Variants in PTPRD observed in about 807,000 individuals in gnomAD.
PTPRD encodes protein tyrosine phosphatase receptor type D.
A neutral mutation model predicts 214.5 loss-of-function variants in PTPRD; 34 were observed. That is an observed-to-expected ratio of 0.16 (90% CI 0.12 to 0.21). PTPRD has a LOEUF of 0.21. PTPRD is among the 10% of genes least tolerant of loss of function. The probability of loss-of-function intolerance (pLI) is 1.00; values close to 1 mark genes in which losing one functional copy is unlikely to be tolerated. For synonymous variants in PTPRD, 1,128 were observed against 845.7 expected, an observed-to-expected ratio of 1.33 and a Z score of -5.79; for missense variants, 2,545 against 2,398.7, an observed-to-expected ratio of 1.06 and a Z score of -1.27.
chr9:8,480,428 C>T (rs10815885), intron 30 of PTPRD, among the ~76,000 whole-genome samples: 45,130 of 151,990 alleles, frequency 0.3, 6,707 homozygotes, highest in East Asian at 0.37. Flanking sequence ...ATTTTCTCTA[C>T]TATAGGACTC....
chr9:9,420,033 T>C (rs749002146), intron 8 of PTPRD, among the ~76,000 whole-genome samples: 31 of 151,618 alleles, frequency 2.0e-4, no homozygotes, highest in Non-Finnish European at 3.5e-4. Context: ...AGAAAAAATA[T>C]ATATATTTTT....
intron 2 of PTPRD, among the ~76,000 whole-genome samples, chr9:10,369,205 A>G (rs983299627): frequency 2.0e-5 from 3 of 152,160 alleles, no homozygotes; most frequent in Non-Finnish European, 4.4e-5. Flanking sequence ...TAATGATAAA[A>G]TAAGGAGTTT....
chr9:10,159,685 T>C (rs1274159820), intron 3 of PTPRD, among the ~76,000 whole-genome samples: 1 of 151,572 alleles, frequency 6.6e-6, no homozygotes, highest in Non-Finnish European at 1.5e-5. Context: ...CAAACAGAAA[T>C]CTTGGAAGTG....
At chr9:8,496,652 T>C (rs1001373231) in intron 26 of PTPRD, among the ~76,000 whole-genome samples, 1 of 152,222 alleles carries the variant, frequency 6.6e-6, no homozygotes, top group Admixed American at 6.5e-5. Context: ...TTAGAGTTAA[T>C]CAGTGCCAGA....
intron 33 of PTPRD, chr9:8,451,937 T>C (rs1324912883): frequency 2.1e-6 from 1 of 484,602 alleles, no homozygotes; most frequent in East Asian, 5.7e-5. Context: ...TTTTTCCCTG[T>C]GGCTGGGGTG....
At position 8,451,477 on chromosome 9, in the gene PTPRD, C is replaced by T. The variant is rs555561452; in HGVS notation, c.3876-1640G>A. On this transcript the variant is annotated intron_variant, in intron 33 of 45. Coordinates refer to ENST00000381196, the MANE Select transcript of PTPRD (RefSeq NM_002839.4). ...AGGGCTGGTGAAAAAGATATGAGGA[C>T]GAAGAAAAAGACAGGCTCATAAGAC... Among the ~76,000 whole-genome samples, 6 of 152,068 alleles carry T rather than the reference C, an allele frequency of 3.9e-5. No homozygotes were observed. In the South Asian group the frequency reaches 6.2e-4, roughly 16 times the overall value.
intron 3 of PTPRD, among the ~76,000 whole-genome samples, chr9:10,309,243 T>C (rs181991643): frequency 6.6e-6 from 1 of 152,136 alleles, no homozygotes; most frequent in Non-Finnish European, 1.5e-5. Flanking sequence ...ACTTACTTTC[T>C]TTCTCCTTTT....
intron 11 of PTPRD, among the ~76,000 whole-genome samples, chr9:8,781,138 C>G (rs539647513): frequency 1.7e-4 from 26 of 152,200 alleles, no homozygotes; most frequent in Non-Finnish European, 3.2e-4. Context: ...AGTTTATGAC[C>G]AGCAAAAGGC....
intron 7 of PTPRD, among the ~76,000 whole-genome samples, chr9:9,591,157 A>G (rs1273004353): frequency 7.7e-6 from 1 of 130,608 alleles, no homozygotes; most frequent in African/African-American, 3.0e-5. Flanking sequence ...CTTAAAACGA[A>G]GAGAATTCTC....
intron 33 of PTPRD, among the ~76,000 whole-genome samples, chr9:8,450,463 A>C (rs556609754): frequency 6.6e-6 from 1 of 152,204 alleles, no homozygotes; most frequent in Non-Finnish European, 1.5e-5. Context: ...GTTAGCTCTT[A>C]ACAGTGTTAA....
rs1378067056 is a variant in PTPRD, at chr9:9,078,351, T to C, written c.-142-59616A>G. ...CTTAATTATATCATAGTTAAATAAT[T>C]TCAAAAACAAAATTACAACATTCCT... On this transcript the variant is annotated intron_variant, in intron 10 of 45. Coordinates refer to ENST00000381196, the MANE Select transcript of PTPRD (RefSeq NM_002839.4). Among the ~76,000 whole-genome samples, 3 of 152,084 alleles carry C rather than the reference T, an allele frequency of 2.0e-5. No individual in the cohort carries two copies. In the East Asian group the frequency reaches 5.8e-4, roughly 29 times the overall value.
chr9:9,536,647 C>T (rs775452755), intron 8 of PTPRD, among the ~76,000 whole-genome samples: 10 of 152,002 alleles, frequency 6.6e-5, no homozygotes, highest in Non-Finnish European at 1.0e-4. Flanking sequence ...TAAGCAGCGC[C>T]GTCATCATTT....
intron 7 of PTPRD, among the ~76,000 whole-genome samples, chr9:9,633,886 T>A (rs1350988989): frequency 6.6e-6 from 1 of 152,180 alleles, no homozygotes; most frequent in Non-Finnish European, 1.5e-5. Flanking sequence ...ATGCAGTATA[T>A]CTTGCCCAAA....
intron 8 of PTPRD, among the ~76,000 whole-genome samples, chr9:9,506,677 C>T (rs1054143454): frequency 2.0e-5 from 3 of 151,186 alleles, no homozygotes; most frequent in Non-Finnish European, 4.4e-5. Flanking sequence ...CTTAGACTAA[C>T]CTAGATAGAA....
At chr9:10,208,809 CAG>C (rs967657475) in intron 3 of PTPRD, among the ~76,000 whole-genome samples, 3 of 152,028 alleles carry the variant, frequency 2.0e-5, no homozygotes, top group Non-Finnish European at 4.4e-5. Flanking sequence ...AAAAATGAAA[CAG>C]ATGCTTATTA....
intron 5 of PTPRD, among the ~76,000 whole-genome samples, chr9:9,871,343 C>G (rs1308176235): frequency 6.6e-6 from 1 of 152,098 alleles, no homozygotes; most frequent in Non-Finnish European, 1.5e-5. Flanking sequence ...GACACAAAAT[C>G]CTTCTGAGAA....
intron 10 of PTPRD, among the ~76,000 whole-genome samples, chr9:9,169,799 C>A (rs2099911091): frequency 6.6e-6 from 1 of 152,066 alleles, no homozygotes; most frequent in Admixed American, 6.6e-5. Context: ...ATAGGTGTGC[C>A]CAATCCAAAG....
At chr9:9,537,994 C>G (rs1021935445) in intron 8 of PTPRD, among the ~76,000 whole-genome samples, 1 of 151,676 alleles carries the variant, frequency 6.6e-6, no homozygotes. Context: ...TACAATCTCC[C>G]CTACTACTTT....
chr9:9,931,929 G>A (rs974886878), intron 5 of PTPRD, among the ~76,000 whole-genome samples: 15 of 151,316 alleles, frequency 9.9e-5, no homozygotes, highest in African/African-American at 2.9e-4. Context: ...CCTGACCCCC[G>A]AGCAGCCTAA....
Sources: allele counts gnomAD v4.1 joint callset (sites outside exome capture counted in the v4.1 genomes callset), GRCh38; gene constraint gnomAD v4.1.1; transcripts MANE v1.5; gene names NCBI Gene and HGNC (gene_info 2026-07-23, HGNC 2026-07-21).